LRRC9: variants seen among roughly 807,000 people sequenced by gnomAD.
LRRC9 encodes leucine-rich repeat-containing protein 9.
In LRRC9, 122 loss-of-function variants were observed where a neutral mutation model predicts 63.2. That is an observed-to-expected ratio of 1.93 (90% CI 1.67 to 2.24). The LOEUF is 2.24. LRRC9 is among the 30% of genes most tolerant of loss of function. LRRC9 has a pLI of 0.00. For missense variants in LRRC9, 1,071 were observed against 627.7 expected (o/e 1.71, Z -7.55); for synonymous variants, 366 against 213.1 (o/e 1.72, Z -6.25).
At chr14:59,940,090 T>C (rs1363547392) in intron 7 of LRRC9, among the ~76,000 whole-genome samples, 1 of 152,014 alleles carries the variant, frequency 6.6e-6, no homozygotes, top group Admixed American at 6.6e-5. Context: ...TCATTCTGAC[T>C]GAGATTCTCA....
At chr14:59,987,978 A>G (rs1453078470) in intron 17 of LRRC9, among the ~76,000 whole-genome samples, 1 of 152,220 alleles carries the variant, frequency 6.6e-6, no homozygotes, top group African/African-American at 2.4e-5. Flanking sequence ...TTTTAATAAC[A>G]GTATGAATGC....
At chr14:60,045,174 A>G (rs1893309448) in intron 29 of LRRC9, among the ~76,000 whole-genome samples, 1 of 149,510 alleles carries the variant, frequency 6.7e-6, no homozygotes, top group Admixed American at 6.7e-5. Context: ...ATCTTTTTCC[A>G]CCCCTTTCAG....
At position 59,971,311 on chromosome 14, in the gene LRRC9, C is replaced by T. The variant is rs111704657; in HGVS notation, c.1507-3265C>T. ...CTATGTGTCTGTTTTTGTGCCAGTACCATGCCGTTTTCTTACTGTAGACCT... is the reference window on the plus strand; with the variant it reads ...CTATGTGTCTGTTTTTGTGCCAGTATCATGCCGTTTTCTTACTGTAGACCT... On this transcript the variant is annotated intron_variant, in intron 12 of 31. Transcript: ENST00000445360. Among the ~76,000 whole-genome samples the T allele has an allele frequency of 8.1e-3, 1,232 of 152,180 alleles. 15 individuals are homozygous for T. Among genetic ancestry groups the T allele is most frequent in the African/African-American group, 0.028 (1,170 of 41,500 alleles).
chr14:60,043,986 T>C (rs945009138), intron 29 of LRRC9, among the ~76,000 whole-genome samples: 6 of 151,840 alleles, frequency 4.0e-5, no homozygotes, highest in African/African-American at 1.4e-4. Context: ...TCATTACTTG[T>C]TATTGGGTTT....
At chr14:60,063,352 A>G (rs745750506) in exon 32 of LRRC9, 7 of 701,932 alleles carry the variant, frequency 1.0e-5, no homozygotes, top group South Asian at 7.4e-5. Flanking sequence ...CCAAGATCAA[A>G]TCGAATGTAA....
chr14:59,976,303 C>A (rs1370132051), intron 13 of LRRC9, among the ~76,000 whole-genome samples: 1 of 152,302 alleles, frequency 6.6e-6, no homozygotes, highest in African/African-American at 2.4e-5. Context: ...ATCCTCCCAT[C>A]CCCAGTCTGG....
chr14:59,990,320 G>A lies in LRRC9; in HGVS notation c.2211+5096G>A, dbSNP rs2140143013. ...TCTTCTATGAGAAGGATTCTGTCTT[G>A]AAGAGAGTCCTAGTGGAATAGTTTT... On this transcript the variant is annotated intron_variant, in intron 17 of 31. Transcript: ENST00000445360. The surrounding 1 kb of genome is among the most constrained non-coding windows in gnomAD (Gnocchi z 4.2). 6.6e-6 allele frequency among the ~76,000 whole-genome samples: 1 copy of A among 152,294 alleles called. No homozygotes were observed. Among genetic ancestry groups the A allele is most frequent in the East Asian group, 1.9e-4 (1 of 5,176 alleles).
At chr14:59,974,060 A>G (rs969172235) in intron 12 of LRRC9, among the ~76,000 whole-genome samples, 2 of 152,124 alleles carry the variant, frequency 1.3e-5, no homozygotes, top group Non-Finnish European at 2.9e-5. Flanking sequence ...CAAGCAAGTA[A>G]TGTGAACATT....
intron 28 of LRRC9, among the ~76,000 whole-genome samples, chr14:60,028,344 T>C (rs58281410): frequency 0.011 from 1,645 of 152,200 alleles, 32 homozygotes; most frequent in African/African-American, 0.038. Flanking sequence ...CTACGTGTTC[T>C]AAGGCTCTTC....
rs142420556 is a variant in LRRC9, at chr14:60,058,823, T to C, written c.4276+801T>C. Among the ~76,000 whole-genome samples the C allele has an allele frequency of 6.6e-6, 1 of 152,136 alleles. No homozygotes were observed. The highest frequency in any genetic ancestry group is 2.1e-4 in the South Asian group (1 of 4,836). ...AGTAGACTGTTCCATGTGATTAAAG[T>C]TTTTTAAAGAAACCCACTGAAAAAC... On this transcript the variant is annotated intron_variant, in intron 31 of 31. Transcript: ENST00000445360. This position sits in a 1 kb window ranked among gnomAD's most constrained non-coding sequence, Gnocchi z 4.4.
chr14:59,986,331 A>G lies in LRRC9; in HGVS notation c.2211+1107A>G, dbSNP rs1415111225. ...CTCTTCAGAATATATCATCATTTTC[A>G]GCTCTTATTCATTCTTTATTCCAGC... On this transcript the variant is annotated intron_variant, in intron 17 of 31. Transcript: ENST00000445360. This position sits in a 1 kb window ranked among gnomAD's most constrained non-coding sequence, Gnocchi z 4.7. Among the ~76,000 whole-genome samples, 1 of 152,198 alleles carries G rather than the reference A, an allele frequency of 6.6e-6. No individual in the cohort carries two copies. The highest frequency in any genetic ancestry group is 1.5e-5 in the Non-Finnish European group (1 of 68,022).
intron 15 of LRRC9, 123 bp downstream of exon 15, chr14:59,978,255 T>C (rs1055220202): frequency 5.8e-6 from 3 of 514,720 alleles, no homozygotes; most frequent in African/African-American, 2.0e-5. Flanking sequence ...ATAATTGTTA[T>C]TTTGTGAATA....
intron 6 of LRRC9, among the ~76,000 whole-genome samples, chr14:59,937,669 A>G (rs937699512): frequency 3.9e-5 from 6 of 152,300 alleles, no homozygotes; most frequent in African/African-American, 1.2e-4. Flanking sequence ...AGGAAGAGGC[A>G]AGACTGAAGA....
Position 60,054,084 on chromosome 14 carries a change from A to C in LRRC9, c.4131+879A>C, listed in dbSNP as rs76256964. 4.8e-3 allele frequency: 1,603 copies of C among 335,294 alleles called. 46 individuals are homozygous for C. In the East Asian group the frequency reaches 0.061, roughly 13 times the overall value. The allele number at this position is 335,294 out of a possible 1,614,324, so 20.8% of individuals were successfully genotyped here. ...AACAGAGGTGACTTTAAAAACATTA[A>C]ACTGAATAGGAAAGAGATAGGACTA... is the stretch of plus-strand genomic sequence containing the variant. On this transcript the variant is annotated intron_variant, in intron 30 of 31. Coordinates refer to ENST00000445360, the Ensembl canonical transcript of LRRC9.
chr14:59,931,010 C>A (rs1352731403), exon 4 of LRRC9: 3 of 437,196 alleles, frequency 6.9e-6, no homozygotes, highest in Non-Finnish European at 8.3e-6. Flanking sequence ...AGAAATTAAT[C>A]AAATTGAAGG....
Position 59,960,894 on chromosome 14 carries a change from T to G in LRRC9, c.1080-20T>G. 1.6e-6 allele frequency: 1 copy of G among 623,436 alleles called. No individual in the cohort carries two copies. The highest frequency in any genetic ancestry group is 2.8e-5 in the East Asian group (1 of 35,116). 38.6% of individuals were successfully genotyped at this position (623,436 alleles called of 1,614,324 possible). ...TTTTTAGATCATTCTAATAGCTGTATGTATTTTTCTCTCCAATAGAATTGA... is the reference window on the plus strand; with the variant it reads ...TTTTTAGATCATTCTAATAGCTGTAGGTATTTTTCTCTCCAATAGAATTGA... On this transcript the variant is annotated intron_variant, in intron 9 of 31. Coordinates refer to ENST00000445360, the Ensembl canonical transcript of LRRC9.
rs1882127749 is a variant in LRRC9 at position 59,944,508 on chromosome 14, T to C, written c.727-81T>C. Reference sequence around the variant, plus strand: ...ATCATCTAAATTGTTATATAGAACATACTGTATTTATATAATACCACTAAC... The same window carrying C: ...ATCATCTAAATTGTTATATAGAACACACTGTATTTATATAATACCACTAAC... On this transcript the variant is annotated intron_variant, in intron 7 of 31. Transcript: ENST00000445360. The C allele has an allele frequency of 6.3e-6, 3 of 475,660 alleles. No individual in the cohort carries two copies. The East Asian group carries it at 9.9e-5, about 16-fold the overall frequency. The allele number at this position is 475,660 out of a possible 1,614,324, so 29.5% of individuals were successfully genotyped here. A position where few individuals can be genotyped will look rare whatever the true frequency, so the allele number is the denominator to read the frequency against.
chr14:60,038,252 C>CT (rs750795191), intron 29 of LRRC9, among the ~76,000 whole-genome samples: 1 of 152,072 alleles, frequency 6.6e-6, no homozygotes, highest in Non-Finnish European at 1.5e-5. Context: ...AATGCGGGCT[C>CT]TTTTTTGGTT....
exon 28 of LRRC9, chr14:60,028,044 C>A (rs1229776499): frequency 2.9e-6 from 2 of 701,618 alleles, no homozygotes; most frequent in East Asian, 5.4e-5. Flanking sequence ...GAGAACTGGG[C>A]AAATTACAAT....
Sources: gnomAD v4.1 joint callset for allele counts (sites outside exome capture counted in the v4.1 genomes callset) on GRCh38, gnomAD v4.1.1 for gene constraint, Gnocchi (gnomAD v3.1) non-coding constraint, MANE v1.5 for transcripts, NCBI Gene and HGNC (gene_info 2026-07-23, HGNC 2026-07-21) for gene names.